Variants in XIRP2 observed in about 807,000 individuals in gnomAD.
The protein encoded by XIRP2 is xin actin-binding repeat-containing protein 2.
A neutral mutation model predicts 277.0 loss-of-function variants in XIRP2; 236 were observed. That is an observed-to-expected ratio of 0.85 (90% CI 0.77 to 0.95). The LOEUF is 0.95. Among genes scored for constraint, XIRP2 ranks in the 40% least tolerant of loss-of-function variants. The pLI, the probability that XIRP2 is intolerant of heterozygous loss-of-function variation, is 0.00. For synonymous variants in XIRP2, 1,490 were observed against 1,416.5 expected (o/e 1.05, Z -1.17); for missense variants, 4,640 against 4,157.5 (o/e 1.12, Z -3.19).
intron 3 of XIRP2, among the ~76,000 whole-genome samples, chr2:167,153,151 A>G (rs1692065289): frequency 6.6e-6 from 1 of 152,138 alleles, no homozygotes; most frequent in African/African-American, 2.4e-5. Flanking sequence ...ACCAAGAAAA[A>G]TACTAAGAAT....
chr2:167,236,098 A>C (rs1440528301), intron 5 of XIRP2, among the ~76,000 whole-genome samples: 1 of 151,948 alleles, frequency 6.6e-6, no homozygotes, highest in African/African-American at 2.4e-5. Context: ...ATTAGTAAAA[A>C]TGCTGTATTA....
intron 2 of XIRP2, among the ~76,000 whole-genome samples, chr2:167,017,363 C>T (rs980150639): frequency 5.9e-5 from 9 of 151,976 alleles, no homozygotes; most frequent in African/African-American, 2.2e-4. Context: ...CAAGAAGGTC[C>T]AAGTAGATCA....
In XIRP2 at chr2:167,250,211, G is replaced by A; in HGVS notation, c.8819G>A (p.Gly2940Asp). The change falls in exon 9 of 11, where the codon GGT (glycine) becomes GAT (aspartate). Residue 2940 changes from glycine to aspartate, a missense_variant. By Grantham distance (94) the Gly-to-Asp change is moderately conservative (BLOSUM62 -1). Coordinates refer to ENST00000409195, the MANE Select transcript of XIRP2 (RefSeq NM_152381.6). ...GAATCCCAGCGGGATGATGGAAAAG[G>A]TGCCTTAAATATAGTGGAATTCTTG... ...VKESQRDDGK[G>D]ALNIVEFLRK... 6.2e-7 allele frequency: 1 copy of A among 1,613,556 alleles called. No homozygotes were observed. The highest frequency in any genetic ancestry group is 1.7e-4 in the Middle Eastern group (1 of 6,054).
chr2:167,126,644 T>C (rs1691215157), intron 2 of XIRP2, among the ~76,000 whole-genome samples: 1 of 152,196 alleles, frequency 6.6e-6, no homozygotes, highest in South Asian at 2.1e-4. Flanking sequence ...TTAGATCTTC[T>C]GGGAAAACTG....
chr2:166,903,838 G>A lies in XIRP2; in HGVS notation c.356G>A (p.Ser119Asn). 1.2e-6 allele frequency: 2 copies of A among 1,613,660 alleles called. No individual in the cohort carries two copies. Among genetic ancestry groups the A allele is most frequent in the East Asian group, 2.2e-5 (1 of 44,834 alleles). The change falls in exon 2 of 11, where the codon AGT (serine) becomes AAT (asparagine). Residue 119 changes from serine to asparagine, a missense_variant. Transcript: ENST00000409195. ...TCCATTGCCCTTGATGAGCTGAGGA[G>A]TGTGTTTGAGGCTCCTAAGAGTGGA... ...RFSIALDELR[S>N]VFEAPKSGNK...
chr2:167,214,959 G>A (rs1400732453), intron 4 of XIRP2, among the ~76,000 whole-genome samples: 1 of 152,176 alleles, frequency 6.6e-6, no homozygotes, highest in Admixed American at 6.5e-5. Context: ...TACCAGGAGA[G>A]CATCCGGTCA....
intron 10 of XIRP2, among the ~76,000 whole-genome samples, chr2:167,255,232 C>G (rs1044066281): frequency 2.0e-5 from 3 of 151,860 alleles, no homozygotes; most frequent in Non-Finnish European, 4.4e-5. Context: ...GAAGTCTGTA[C>G]TGCTAGGCCA....
chr2:166,909,519 G>T (rs1292287931), intron 2 of XIRP2, among the ~76,000 whole-genome samples: 1 of 152,192 alleles, frequency 6.6e-6, no homozygotes, highest in Non-Finnish European at 1.5e-5. Flanking sequence ...ATTTTGGGCT[G>T]AGACAGTGGG....
intron 8 of XIRP2, 52 bp downstream of exon 8, chr2:167,241,962 A>C (rs772452158): frequency 6.7e-7 from 1 of 1,499,448 alleles, no homozygotes; most frequent in Non-Finnish European, 8.9e-7. Flanking sequence ...CCAAGCTTAA[A>C]TGTGTAACAT....
At chr2:167,158,379 C>G (rs1692265158) in intron 3 of XIRP2, among the ~76,000 whole-genome samples, 1 of 152,056 alleles carries the variant, frequency 6.6e-6, no homozygotes, top group Non-Finnish European at 1.5e-5. Flanking sequence ...TTTTTTTATG[C>G]AACATTTTGA....
At chr2:166,949,176 AT>A (rs1685964361) in intron 2 of XIRP2, among the ~76,000 whole-genome samples, 1 of 152,060 alleles carries the variant, frequency 6.6e-6, no homozygotes, top group Non-Finnish European at 1.5e-5. Context: ...AAGAATTATC[AT>A]TTTGCTATAT....
chr2:167,182,306 C>G (rs73027812), intron 3 of XIRP2, among the ~76,000 whole-genome samples: 16 of 152,160 alleles, frequency 1.1e-4, no homozygotes, highest in Middle Eastern at 3.4e-3. Context: ...TATGTTTGCT[C>G]TTTAATTCTA....
In XIRP2 at chr2:167,259,151, C is replaced by G. The variant is rs1442087277; in HGVS notation, c.*1334C>G. 1.9e-6 allele frequency: 3 copies of G among 1,612,526 alleles called. No homozygotes were observed. The highest frequency in any genetic ancestry group is 2.7e-5 in the African/African-American group (2 of 74,714). On this transcript the variant is annotated 3_prime_UTR_variant, in exon 11 of 11. Transcript: ENST00000409195. ...TTCTGTAGATCAAATTAAAAATATG[C>G]CATGCTTGGATTTAAGGGAATTTGG...
At chr2:166,910,251 T>A (rs1684662128) in intron 2 of XIRP2, among the ~76,000 whole-genome samples, 1 of 152,178 alleles carries the variant, frequency 6.6e-6, no homozygotes, top group Non-Finnish European at 1.5e-5. Flanking sequence ...CTGGACTTTT[T>A]TTGGTTGGTA....
At chr2:167,214,739 G>C (rs2105395838) in intron 4 of XIRP2, among the ~76,000 whole-genome samples, 1 of 151,900 alleles carries the variant, frequency 6.6e-6, no homozygotes, top group African/African-American at 2.4e-5. Context: ...GCTAATTTTT[G>C]TATTTTTTTA....
intron 3 of XIRP2, among the ~76,000 whole-genome samples, chr2:167,189,251 C>A (rs1485593707): frequency 6.6e-6 from 1 of 152,156 alleles, no homozygotes; most frequent in Admixed American, 6.6e-5. Context: ...CTCTTTCTCT[C>A]TCTTGTGCTC....
At chr2:166,971,971 G>A (rs953511720) in intron 2 of XIRP2, among the ~76,000 whole-genome samples, 28 of 152,160 alleles carry the variant, frequency 1.8e-4, no homozygotes, top group African/African-American at 6.3e-4. Flanking sequence ...ATTTGCTATG[G>A]ACTGAATGTT....
In XIRP2 at chr2:167,118,573, G is replaced by A. The variant is rs80218336; in HGVS notation, c.409-17336G>A. Among the ~76,000 whole-genome samples the A allele has an allele frequency of 3.3e-3, 495 of 151,398 alleles. 23 individuals are homozygous for A. The East Asian group carries it at 0.084, about 26-fold the overall frequency. On this transcript the variant is annotated intron_variant, in intron 2 of 10. Coordinates refer to ENST00000409195, the MANE Select transcript of XIRP2 (RefSeq NM_152381.6). The stretch of plus-strand genomic sequence containing the variant: ...AAGATTACTTCCTTTTTGCCCTTGC[G>A]CCTTTTACCGTTCGAGTACACAGCA...
chr2:166,976,486 C>T (rs73973545), intron 2 of XIRP2, among the ~76,000 whole-genome samples: 9,007 of 152,032 alleles, frequency 0.059, 440 homozygotes, highest in East Asian at 0.24. Flanking sequence ...TTTAATGTTT[C>T]TAATGTTTAC....
Sources: gnomAD v4.1 joint callset for allele counts (sites outside exome capture counted in the v4.1 genomes callset) on GRCh38, gnomAD v4.1.1 for gene constraint, MANE v1.5 for transcripts, NCBI Gene and HGNC (gene_info 2026-07-23, HGNC 2026-07-21) for gene names.